Variants in SYN3 observed in about 807,000 individuals in gnomAD.
SYN3 encodes the protein synapsin III, also known as synapsin-3.
A neutral mutation model predicts 65.8 loss-of-function variants in SYN3; 35 were observed. The ratio of observed to expected loss-of-function variants is 0.53; its 90% CI spans 0.41 to 0.70. The LOEUF (loss-of-function observed/expected upper bound fraction) is 0.70. Ranked by LOEUF, SYN3 falls within the 30% of genes least tolerant of loss-of-function variation. SYN3 has a pLI of 0.00. For synonymous variants in SYN3, 270 were observed against 292.9 expected (o/e 0.92, Z 0.80); for missense variants, 680 against 749.0 (o/e 0.91, Z 1.08).
chr22:32,752,824 GCCATGTTTTA>G (rs1383593250), intron 6 of SYN3, among the ~76,000 whole-genome samples: 3 of 152,200 alleles, frequency 2.0e-5, no homozygotes, highest in Non-Finnish European at 4.4e-5. Context: ...AGTGGTGAAT[GCCATGTTTTA>G]CCATGGGGAG....
At chr22:32,926,857 A>G (rs970966807) in intron 4 of SYN3, among the ~76,000 whole-genome samples, 3 of 152,242 alleles carry the variant, frequency 2.0e-5, no homozygotes, top group Admixed American at 2.0e-4. Context: ...AATCCAGAAG[A>G]TGCACAGGCA....
In SYN3 at chr22:32,793,612, C is replaced by T. The variant is rs147633396; in HGVS notation, c.711+71303G>A. Among the ~76,000 whole-genome samples, 15 of 152,272 alleles carry T rather than the reference C, an allele frequency of 9.9e-5. No individual in the cohort carries two copies. In the East Asian group the frequency reaches 2.9e-3, roughly 29 times the overall value. On this transcript the variant is annotated intron_variant, in intron 6 of 13. Coordinates refer to ENST00000358763, the MANE Select transcript of SYN3 (RefSeq NM_003490.4). Reference sequence around the variant, plus strand: ...TAGCATGGAGTAACAGACATTCTGCCAATGTTTGGTGAATATTTGAAGGAA... The same window carrying T: ...TAGCATGGAGTAACAGACATTCTGCTAATGTTTGGTGAATATTTGAAGGAA...
chr22:32,802,309 C>T (rs575967868), intron 6 of SYN3, among the ~76,000 whole-genome samples: 2 of 152,072 alleles, frequency 1.3e-5, no homozygotes, highest in Non-Finnish European at 2.9e-5. Context: ...GGAAGATGCC[C>T]TGCAGAGGAA....
At chr22:32,680,934 C>T (rs2060513943) in intron 6 of SYN3, among the ~76,000 whole-genome samples, 1 of 152,238 alleles carries the variant, frequency 6.6e-6, no homozygotes, top group African/African-American at 2.4e-5. Context: ...CTGTGAAACT[C>T]AGCAAGATGT....
rs1020168066 is a variant in SYN3, at chr22:32,511,554, G to A, written c.*2138C>T. The stretch of plus-strand genomic sequence containing the variant: ...GAGCTCCAGACATGCCAGACATGCA[G>A]GGACTGTCCTATAACATGGAACTCA... On this transcript the variant is annotated 3_prime_UTR_variant, in exon 14 of 14. Coordinates refer to ENST00000358763, the MANE Select transcript of SYN3 (RefSeq NM_003490.4). Among the ~76,000 whole-genome samples, 15 of 152,212 alleles carry A rather than the reference G, an allele frequency of 9.9e-5. No homozygotes were observed. The highest frequency in any genetic ancestry group is 3.4e-4 in the African/African-American group (14 of 41,446).
rs1266820231 is a variant in SYN3, at chr22:32,801,434, C to G, written c.711+63481G>C. Among the ~76,000 whole-genome samples the G allele has an allele frequency of 6.6e-6, 1 of 152,226 alleles. No individual in the cohort carries two copies. Among genetic ancestry groups the G allele is most frequent in the Non-Finnish European group, 1.5e-5 (1 of 68,048 alleles). ...GCAGACGAGAAGGGGCACGAGGGCT[C>G]CGCTCCGAGGACCCAGCGGCAAGCA... On this transcript the variant is annotated intron_variant, in intron 6 of 13. Coordinates refer to ENST00000358763, the MANE Select transcript of SYN3 (RefSeq NM_003490.4). This position sits in a 1 kb window ranked among gnomAD's most constrained non-coding sequence, Gnocchi z 4.7.
intron 6 of SYN3, among the ~76,000 whole-genome samples, chr22:32,804,530 C>G (rs2046674073): frequency 6.6e-6 from 1 of 152,234 alleles, no homozygotes; most frequent in South Asian, 2.1e-4. Context: ...TGGTGGTTTT[C>G]TCTTCATGGC....
chr22:33,008,523 T>G (rs2053255847), intron 1 of SYN3, among the ~76,000 whole-genome samples: 1 of 152,212 alleles, frequency 6.6e-6, no homozygotes, highest in African/African-American at 2.4e-5. Flanking sequence ...GGTTCTGAGA[T>G]GCAATATGTT....
chr22:32,644,087 A>C, intron 6 of SYN3, among the ~76,000 whole-genome samples: 1 of 76,580 alleles, frequency 1.3e-5, no homozygotes, highest in African/African-American at 5.2e-5. Flanking sequence ...AAAAAAAAAA[A>C]AAAAAAAAAA....
chr22:32,663,817 T>C (rs2060251958), intron 6 of SYN3, among the ~76,000 whole-genome samples: 1 of 152,236 alleles, frequency 6.6e-6, no homozygotes, highest in African/African-American at 2.4e-5. Context: ...AAATTTCATT[T>C]ATTTATTTTA....
At chr22:32,975,003 G>A (rs575540642) in intron 3 of SYN3, among the ~76,000 whole-genome samples, 11 of 152,208 alleles carry the variant, frequency 7.2e-5, no homozygotes, top group Middle Eastern at 3.4e-3. Context: ...CCCCTACACC[G>A]CATTTCCTCC....
intron 2 of SYN3, among the ~76,000 whole-genome samples, chr22:33,002,746 T>C (rs1483929034): frequency 1.3e-5 from 2 of 152,220 alleles, no homozygotes; most frequent in Non-Finnish European, 2.9e-5. Context: ...TGTATATACA[T>C]GCACATTGGA....
intron 7 of SYN3, among the ~76,000 whole-genome samples, chr22:32,547,081 C>A (rs565017009): frequency 1.3e-5 from 2 of 152,270 alleles, no homozygotes; most frequent in South Asian, 4.1e-4. Flanking sequence ...CAGGTTCAAG[C>A]AATCCTCCAC....
Position 33,022,348 on chromosome 22 carries a change from G to A in SYN3, c.-162-15524C>T, listed in dbSNP as rs571634610. Reference sequence around the variant, plus strand: ...ACAGGCTGAGAACTCCGTAGACTGTGTCACTCCAGCTGCAAAGCTAAAAGA... The same window carrying A: ...ACAGGCTGAGAACTCCGTAGACTGTATCACTCCAGCTGCAAAGCTAAAAGA... On this transcript the variant is annotated intron_variant, in intron 1 of 13. Transcript: ENST00000358763. 4.8e-4 allele frequency among the ~76,000 whole-genome samples: 73 copies of A among 152,336 alleles called. 2 individuals carry two copies. The South Asian group carries it at 0.011, about 22-fold the overall frequency.
chr22:33,018,393 T>C (rs868470452), intron 1 of SYN3, among the ~76,000 whole-genome samples: 1 of 152,272 alleles, frequency 6.6e-6, no homozygotes, highest in Middle Eastern at 3.4e-3. Context: ...TAGAACCCAG[T>C]AGGCCCCGTG....
At chr22:32,826,895 ATCT>A (rs575246536) in intron 6 of SYN3, among the ~76,000 whole-genome samples, 21 of 152,190 alleles carry the variant, frequency 1.4e-4, no homozygotes, top group African/African-American at 5.1e-4. Context: ...GCTGCCACTG[ATCT>A]TCTTATTCCA....
At chr22:32,659,137 T>C (rs2060182325) in intron 6 of SYN3, among the ~76,000 whole-genome samples, 1 of 151,800 alleles carries the variant, frequency 6.6e-6, no homozygotes, top group Non-Finnish European at 1.5e-5. Context: ...GTAACCAAGG[T>C]GAGTAAGGGC....
At chr22:32,897,145 TACCG>T (rs2049615813) in intron 4 of SYN3, among the ~76,000 whole-genome samples, 1 of 152,198 alleles carries the variant, frequency 6.6e-6, no homozygotes, top group African/African-American at 2.4e-5. Context: ...CCACCTGCCC[TACCG>T]CTGAGCACCT....
intron 6 of SYN3, among the ~76,000 whole-genome samples, chr22:32,854,131 A>G (rs998744358): frequency 5.9e-5 from 9 of 152,356 alleles, no homozygotes; most frequent in East Asian, 5.8e-4. Context: ...TTTAGAATCA[A>G]TATTTAAATC....
Sources: allele counts gnomAD v4.1 joint callset (sites outside exome capture counted in the v4.1 genomes callset), GRCh38; gene constraint gnomAD v4.1.1; non-coding constraint Gnocchi (gnomAD v3.1); transcripts MANE v1.5; gene names NCBI Gene and HGNC (gene_info 2026-07-23, HGNC 2026-07-21).